OLFML2B: variants seen among roughly 807,000 people sequenced by gnomAD.
The protein encoded by OLFML2B is olfactomedin-like protein 2B.
A neutral mutation model predicts 74.9 loss-of-function variants in OLFML2B; 57 were observed. That is an observed-to-expected ratio of 0.76 (90% CI 0.61 to 0.95). The LOEUF is 0.95. OLFML2B is among the 40% of genes least tolerant of loss of function. The pLI is 0.00. For synonymous variants in OLFML2B, 388 were observed against 405.8 expected (o/e 0.96, Z 0.53); for missense variants, 986 against 970.6 (o/e 1.02, Z -0.21).
chr1:162,021,013 G>T (rs141528451), intron 1 of OLFML2B, among the ~76,000 whole-genome samples: 1,528 of 152,322 alleles, frequency 0.01, 14 homozygotes, highest in Non-Finnish European at 0.016. Flanking sequence ...TACAGTGCAG[G>T]AGGCATAGAA....
chr1:162,019,538 T>C (rs1690638075), intron 2 of OLFML2B, among the ~76,000 whole-genome samples: 1 of 152,178 alleles, frequency 6.6e-6, no homozygotes, highest in African/African-American at 2.4e-5. Flanking sequence ...AACCCAGCCC[T>C]TGTGCTAAGG....
At chr1:162,015,526 C>T (rs1690504413) in intron 3 of OLFML2B, among the ~76,000 whole-genome samples, 1 of 152,178 alleles carries the variant, frequency 6.6e-6, no homozygotes, top group African/African-American at 2.4e-5. Flanking sequence ...AGGTTGCTGT[C>T]GCTCCTGTTC....
At chr1:162,012,932 A>C (rs1690431856) in intron 3 of OLFML2B, among the ~76,000 whole-genome samples, 1 of 152,178 alleles carries the variant, frequency 6.6e-6, no homozygotes, top group Non-Finnish European at 1.5e-5. Context: ...CTTTAGTAAT[A>C]AATCTGCCCC....
intron 3 of OLFML2B, among the ~76,000 whole-genome samples, chr1:162,016,321 C>T (rs1690534641): frequency 6.6e-6 from 1 of 152,204 alleles, no homozygotes; most frequent in African/African-American, 2.4e-5. Flanking sequence ...GACATGGCTG[C>T]TTGGCAGCAC....
rs369342795 is a variant in OLFML2B at position 162,000,173 on chromosome 1, G to A, written c.889C>T (p.Arg297Trp). Residue 297 changes from arginine (R) to tryptophan (W), a missense_variant, in exon 5 of 8, where the codon CGG becomes TGG. Transcript: ENST00000294794. The part of the protein sequence containing the change: ...GRPASQPTVI[R>W]GITYYKAKVS... ...TTGGCTTTATAGTAGGTGATGCCCC[G>A]GATGACAGTGGGCTGGGAGGCCGGC... 1.4e-5 allele frequency: 22 copies of A among 1,613,474 alleles called. No individual in the cohort carries two copies. The highest frequency in any genetic ancestry group is 1.1e-4 in the East Asian group (5 of 44,878).
chr1:161,985,049 G>C, intron 6 of OLFML2B, 69 bp from the exon 7 acceptor site: 3 of 1,478,098 alleles, frequency 2.0e-6, no homozygotes, highest in East Asian at 2.4e-5. Flanking sequence ...AACCTTTGCT[G>C]TTCATCCATT....
At position 161,984,810 on chromosome 1, in the gene OLFML2B, T is replaced by C. The variant is rs1317447047; in HGVS notation, c.1645A>G (p.Lys549Glu). Residue 549 changes from lysine (K) to glutamate (E), a missense_variant, in exon 7 of 8, where the codon AAA becomes GAA. By Grantham distance (56) the Lys-to-Glu change is moderately conservative. Coordinates refer to ENST00000294794, the MANE Select transcript of OLFML2B (RefSeq NM_015441.3). The stretch of plus-strand genomic sequence containing the variant: ...TTGGATCTTTATCATGTACCTTGTT[T>C]GAAGTTCTCCAGGTTCCGGAACTCT... ...LVEFRNLENF[K>E]QGRWSNSYKL... The C allele has an allele frequency of 6.2e-7, 1 of 1,613,610 alleles. No homozygotes were observed.
rs36123211 is a variant in OLFML2B, at chr1:161,998,184, G to T, written c.1115C>A (p.Ser372Tyr). The T allele has an allele frequency of 4.0e-4, 640 of 1,614,076 alleles. 2 individuals carry two copies. The African/African-American group carries it at 7.8e-3, about 20-fold the overall frequency. ...GGTCGAGGGCTGTGGCAGTGCTGAG[G>T]ACCAGGGTGCGGTCCGAGCGTTCAG... is the stretch of plus-strand genomic sequence containing the variant. ...SDLNARTAPW[S>Y]SALPQPSTSD... The change falls in exon 6 of 8, where the codon TCC (serine) becomes TAC (tyrosine). Residue 372 changes from serine to tyrosine, a missense_variant. Physicochemically the swap from Ser to Tyr is moderately radical, Grantham distance 144 (BLOSUM62 -2). Transcript: ENST00000294794.
At chr1:162,010,654 C>G (rs1690356013) in intron 3 of OLFML2B, among the ~76,000 whole-genome samples, 1 of 151,988 alleles carries the variant, frequency 6.6e-6, no homozygotes, top group African/African-American at 2.4e-5. Context: ...TAAGCCAAAA[C>G]CTTGGGACCA....
At chr1:162,012,964 G>A (rs999032396) in intron 3 of OLFML2B, among the ~76,000 whole-genome samples, 1 of 152,154 alleles carries the variant, frequency 6.6e-6, no homozygotes, top group Non-Finnish European at 1.5e-5. Context: ...TGTGCTGCTA[G>A]GGGTTGAACA....
chr1:162,018,867 G>A (rs1005629159), intron 2 of OLFML2B, among the ~76,000 whole-genome samples: 3 of 152,300 alleles, frequency 2.0e-5, no homozygotes, highest in African/African-American at 7.2e-5. Flanking sequence ...ATCCTGGATA[G>A]AAGCCATAAA....
At chr1:162,019,895 G>A (rs1690646435) in intron 2 of OLFML2B, 24 bp downstream of exon 2, 2 of 1,611,678 alleles carry the variant, frequency 1.2e-6, no homozygotes, top group Admixed American at 3.3e-5. Flanking sequence ...CTCGTCCAAG[G>A]CATTGCCCCA....
At chr1:162,009,562 T>C (rs1419901879) in intron 3 of OLFML2B, among the ~76,000 whole-genome samples, 2 of 152,210 alleles carry the variant, frequency 1.3e-5, no homozygotes, top group African/African-American at 4.8e-5. Flanking sequence ...TTATTCTGCA[T>C]TTCCACAGAT....
Position 162,008,261 on chromosome 1 carries a change from C to A in OLFML2B, c.547-1788G>T, listed in dbSNP as rs572310760. Among the ~76,000 whole-genome samples the A allele has an allele frequency of 7.2e-5, 11 of 152,222 alleles. No homozygotes were observed. In the South Asian group the frequency reaches 2.3e-3, roughly 32 times the overall value. On this transcript the variant is annotated intron_variant, in intron 3 of 7. Transcript: ENST00000294794. Reference sequence around the variant, plus strand: ...ATATATGGATGTGCATGAAACATACCGGACTAAGTGGCTGCTATTTTTCAT... The same window carrying A: ...ATATATGGATGTGCATGAAACATACAGGACTAAGTGGCTGCTATTTTTCAT...
chr1:161,999,650 G>A (rs979337604), intron 5 of OLFML2B, among the ~76,000 whole-genome samples: 2 of 152,166 alleles, frequency 1.3e-5, no homozygotes, highest in South Asian at 4.1e-4. Context: ...CAAGGTAAAC[G>A]TGATGTGAAA....
At chr1:161,992,661 C>G (rs1689773549) in intron 6 of OLFML2B, among the ~76,000 whole-genome samples, 1 of 152,142 alleles carries the variant, frequency 6.6e-6, no homozygotes, top group Admixed American at 6.5e-5. Flanking sequence ...TTGTGTGTCA[C>G]AGAACAGGGA....
chr1:162,010,856 G>T (rs1325131372), intron 3 of OLFML2B, among the ~76,000 whole-genome samples: 1 of 152,102 alleles, frequency 6.6e-6, no homozygotes, highest in Non-Finnish European at 1.5e-5. Flanking sequence ...GCCCCAGGCA[G>T]GAAAAGAAGG....
At position 162,014,926 on chromosome 1, in the gene OLFML2B, G is replaced by A. The variant is rs145966287; in HGVS notation, c.546+2474C>T. ...TTCCTGTTAAGAAAAACTGATGCTT[G>A]CAGGACAGATGGCAATGATTTGAAG... is the stretch of plus-strand genomic sequence containing the variant. On this transcript the variant is annotated intron_variant, in intron 3 of 7. Transcript: ENST00000294794. Among the ~76,000 whole-genome samples, 12 of 152,256 alleles carry A rather than the reference G, an allele frequency of 7.9e-5. No homozygotes were observed. In the East Asian group the frequency reaches 2.3e-3, roughly 29 times the overall value.
chr1:162,006,221 T>C (rs907547099), intron 4 of OLFML2B, 76 bp downstream of exon 4: 222 of 1,391,884 alleles, frequency 1.6e-4, no homozygotes, highest in Non-Finnish European at 3.2e-5. Context: ...GCCTGAAAAG[T>C]TCTATGCAGA....
Sources: gnomAD v4.1 joint callset for allele counts (sites outside exome capture counted in the v4.1 genomes callset) on GRCh38, gnomAD v4.1.1 for gene constraint, MANE v1.5 for transcripts, NCBI Gene and HGNC (gene_info 2026-07-23, HGNC 2026-07-21) for gene names.